Variants in BCL2L14 observed in about 807,000 individuals in gnomAD.
BCL2L14 encodes apoptosis facilitator Bcl-2-like protein 14.
A neutral mutation model predicts 35.3 loss-of-function variants in BCL2L14; 27 were observed. The observed-to-expected ratio is 0.76, with a 90% confidence interval of 0.56 to 1.05. The LOEUF (loss-of-function observed/expected upper bound fraction) is 1.05, where lower values mean the gene tolerates loss of function less well. Ranked by LOEUF, BCL2L14 falls within the 50% of genes least tolerant of loss-of-function variation. The probability of loss-of-function intolerance (pLI) is 0.00; values close to 1 mark genes in which losing one functional copy is unlikely to be tolerated. For missense variants in BCL2L14, 377 were observed against 382.6 expected (o/e 0.99, Z 0.12); for synonymous variants, 139 against 145.9 (o/e 0.95, Z 0.34).
At chr12:12,055,489 G>A (rs915785968) in intron 2 of BCL2L14, 3 of 152,214 alleles carry the variant, frequency 2.0e-5, no homozygotes, top group South Asian at 2.1e-4. Flanking sequence ...ATCAATGCAC[G>A]GTTTTTGAGA....
chr12:12,094,281 G>T (rs1949262057), intron 4 of BCL2L14, among the ~76,000 whole-genome samples: 1 of 152,132 alleles, frequency 6.6e-6, no homozygotes, highest in African/African-American at 2.4e-5. Context: ...TTCAGATCCT[G>T]TCCCTTACAC....
intron 2 of BCL2L14, among the ~76,000 whole-genome samples, chr12:12,085,800 G>C (rs1470627954): frequency 6.6e-6 from 1 of 152,154 alleles, no homozygotes; most frequent in Non-Finnish European, 1.5e-5. Context: ...TTGTGGCTCA[G>C]TCCCTCCCAG....
chr12:12,090,697 C>A, intron 3 of BCL2L14, 82 bp from the exon 4 acceptor site: 1 of 1,073,882 alleles, frequency 9.3e-7, no homozygotes, highest in Non-Finnish European at 1.4e-6. Flanking sequence ...CTTACCAAGC[C>A]ACAAGCATTC....
chr12:12,051,549 T>C (rs932036545), intron 1 of BCL2L14, among the ~76,000 whole-genome samples: 1 of 147,900 alleles, frequency 6.8e-6, no homozygotes, highest in African/African-American at 2.4e-5. Context: ...CCAGATCAAA[T>C]TTACCCCCTG....
chr12:12,050,789 G>A (rs1221080545), intron 1 of BCL2L14, among the ~76,000 whole-genome samples: 2 of 64,130 alleles, frequency 3.1e-5, no homozygotes, highest in Non-Finnish European at 6.0e-5. Context: ...AATAGCTGAT[G>A]AGCTAAAAAA....
At chr12:12,081,574 T>G (rs1053622004) in intron 2 of BCL2L14, among the ~76,000 whole-genome samples, 5 of 149,740 alleles carry the variant, frequency 3.3e-5, no homozygotes, top group African/African-American at 1.2e-4. Context: ...TTTTAAGGTG[T>G]TTTAGATGGA....
intron 1 of BCL2L14, among the ~76,000 whole-genome samples, chr12:12,072,724 T>C (rs1948693483): frequency 6.6e-6 from 1 of 152,192 alleles, no homozygotes; most frequent in African/African-American, 2.4e-5. Flanking sequence ...TAGAGTACAA[T>C]TTCTGTAGGA....
At position 12,099,168 on chromosome 12, in the gene BCL2L14, A is replaced by G. The variant is rs1949378369; in HGVS notation, c.*180A>G. ...GTCTCGTTCGTCTCCAGCTCATAAA[A>G]TGTAGCAGCATCATCCTTGACAGTG... On this transcript the variant is annotated 3_prime_UTR_variant, in exon 6 of 6. Coordinates refer to ENST00000308721, the MANE Select transcript of BCL2L14 (RefSeq NM_138723.2). 1.7e-6 allele frequency: 1 copy of G among 578,932 alleles called. No individual in the cohort carries two copies. Among genetic ancestry groups the G allele is most frequent in the Admixed American group, 3.1e-5 (1 of 32,174 alleles). 35.9% of individuals were successfully genotyped at this position (578,932 alleles called of 1,614,324 possible).
intron 2 of BCL2L14, among the ~76,000 whole-genome samples, chr12:12,056,271 G>A (rs1948431816): frequency 6.6e-6 from 1 of 152,274 alleles, no homozygotes; most frequent in Non-Finnish European, 1.5e-5. Context: ...TTTAACAAGG[G>A]TCAAGAGTAA....
chr12:12,054,075 C>A (rs746813656), intron 2 of BCL2L14, among the ~76,000 whole-genome samples: 1 of 152,148 alleles, frequency 6.6e-6, no homozygotes, highest in Non-Finnish European at 1.5e-5. Context: ...GTGCCAGACA[C>A]CCTGCTACGT....
chr12:12,052,753 G>A (rs2065656953), intron 2 of BCL2L14, among the ~76,000 whole-genome samples: 1 of 152,202 alleles, frequency 6.6e-6, no homozygotes, highest in Admixed American at 6.5e-5. Flanking sequence ...TGGGATTGCT[G>A]TATCAGGACC....
chr12:12,059,959 C>T (rs931920329), intron 2 of BCL2L14, among the ~76,000 whole-genome samples: 3 of 152,106 alleles, frequency 2.0e-5, no homozygotes, highest in African/African-American at 2.4e-5. Flanking sequence ...AGTCTCTGTT[C>T]CCAATGCAAC....
Position 12,077,344 on chromosome 12 carries a change from C to T in BCL2L14, c.-7-1955C>T, listed in dbSNP as rs111554131. Among the ~76,000 whole-genome samples, 1,332 of 152,064 alleles carry T rather than the reference C, an allele frequency of 8.8e-3. 20 individuals carry two copies. Among genetic ancestry groups the T allele is most frequent in the African/African-American group, 0.031 (1,275 of 41,464 alleles). On this transcript the variant is annotated intron_variant, in intron 1 of 5. Coordinates refer to ENST00000308721, the MANE Select transcript of BCL2L14 (RefSeq NM_138723.2). Reference sequence around the variant, plus strand: ...ATCACTTGAGCCCAGGAGTTTCGCACCAGACTGGGCAACATAGCGAGACCT... The same window carrying T: ...ATCACTTGAGCCCAGGAGTTTCGCATCAGACTGGGCAACATAGCGAGACCT...
chr12:12,056,693 C>T (rs1044969527), intron 2 of BCL2L14, among the ~76,000 whole-genome samples: 3 of 152,120 alleles, frequency 2.0e-5, no homozygotes, highest in Non-Finnish European at 4.4e-5. Context: ...GTTAGCTGGG[C>T]GTGGTGGTAG....
intron 2 of BCL2L14, among the ~76,000 whole-genome samples, chr12:12,064,418 C>T (rs1482408601): frequency 9.1e-6 from 1 of 109,960 alleles, no homozygotes; most frequent in African/African-American, 3.3e-5. Flanking sequence ...GTGTGAGCTA[C>T]CATATCCCAC....
intron 5 of BCL2L14, among the ~76,000 whole-genome samples, chr12:12,098,529 C>T (rs1029766578): frequency 1.2e-4 from 18 of 152,134 alleles, no homozygotes; most frequent in African/African-American, 1.2e-4. Flanking sequence ...CAAGCTACCA[C>T]GAGATTCTGA....
chr12:12,060,151 C>T (rs1389419381), intron 2 of BCL2L14, among the ~76,000 whole-genome samples: 2 of 151,506 alleles, frequency 1.3e-5, no homozygotes, highest in African/African-American at 4.9e-5. Context: ...CCTTTTATCA[C>T]CTCCCCTCCT....
At position 12,094,686 on chromosome 12, in the gene BCL2L14, T is replaced by C; in HGVS notation, c.701T>C (p.Met234Thr). Residue 234 changes from methionine (M) to threonine (T), a missense_variant, in exon 5 of 6, where the codon ATG (methionine) becomes ACG (threonine). Met to Thr is a moderately conservative substitution (Grantham distance 81). Transcript: ENST00000308721. ...ERKLKKDKAL[M>T]GHFQDGLSYS... ...CAGCTGAAGAAAGATAAGGCTTTGA[T>C]GGGCCACTTCCAGGATGGGCTGTCC... 1 of 1,614,260 alleles carries C rather than the reference T, an allele frequency of 6.2e-7. No individual in the cohort carries two copies. The highest frequency in any genetic ancestry group is 8.5e-7 in the Non-Finnish European group (1 of 1,180,056).
intron 3 of BCL2L14, among the ~76,000 whole-genome samples, chr12:12,088,897 G>A (rs1425779128): frequency 6.6e-6 from 1 of 152,088 alleles, no homozygotes; most frequent in East Asian, 1.9e-4. Flanking sequence ...AAAAAACAGT[G>A]TGACATTTTA....
Sources: gnomAD v4.1 joint callset for allele counts (sites outside exome capture counted in the v4.1 genomes callset) on GRCh38, gnomAD v4.1.1 for gene constraint, MANE v1.5 for transcripts, NCBI Gene and HGNC (gene_info 2026-07-23, HGNC 2026-07-21) for gene names.